Variants in TATDN3 observed in about 807,000 individuals in gnomAD.
TATDN3 encodes the protein deoxyribonuclease TATDN3.
TATDN3 carries 29 observed loss-of-function variants against 40.1 expected under a neutral mutation model. The observed-to-expected ratio is 0.72, with a 90% CI of 0.54 to 0.99. The LOEUF (loss-of-function observed/expected upper bound fraction) is 0.99. Ranked by LOEUF, TATDN3 falls within the 50% of genes least tolerant of loss-of-function variation. The pLI, the probability that TATDN3 is intolerant of heterozygous loss-of-function variation, is 0.00. For missense variants in TATDN3, 309 were observed against 321.9 expected (o/e 0.96, Z 0.31); for synonymous variants, 105 against 117.0 (o/e 0.90, Z 0.66).
At chr1:212,801,844 T>C (rs900162589) in intron 4 of TATDN3, among the ~76,000 whole-genome samples, 1 of 150,666 alleles carries the variant, frequency 6.6e-6, no homozygotes, top group Admixed American at 6.6e-5. Context: ...TACTAGAATA[T>C]ATTTCAAGGC....
At chr1:212,803,603 A>T (rs1192196904) in intron 5 of TATDN3, among the ~76,000 whole-genome samples, 1 of 152,160 alleles carries the variant, frequency 6.6e-6, no homozygotes, top group Non-Finnish European at 1.5e-5. Flanking sequence ...TAGTCCCAGG[A>T]GGAGTCATCT....
At chr1:212,806,892 A>G (rs1286483171) in intron 7 of TATDN3, among the ~76,000 whole-genome samples, 2 of 143,740 alleles carry the variant, frequency 1.4e-5, no homozygotes, top group African/African-American at 2.6e-5. Context: ...GTATATACAC[A>G]TATATACATA....
intron 3 of TATDN3, chr1:212,796,843 T>C: frequency 2.1e-6 from 1 of 473,792 alleles, no homozygotes; most frequent in East Asian, 3.4e-5. Flanking sequence ...TTTCAAGCAA[T>C]TCTCTGCCTC....
chr1:212,799,806 T>C (rs73083765), intron 4 of TATDN3, among the ~76,000 whole-genome samples: 24,447 of 152,238 alleles, frequency 0.16, 2,054 homozygotes, highest in East Asian at 0.24. Context: ...CCCAAAGTGC[T>C]GGGATTATAG....
chr1:212,805,615 A>C (rs1161441604), intron 7 of TATDN3, among the ~76,000 whole-genome samples: 2 of 152,198 alleles, frequency 1.3e-5, no homozygotes, highest in African/African-American at 4.8e-5. Flanking sequence ...GGTTAAAAAA[A>C]AGAAGGGCAA....
intron 7 of TATDN3, among the ~76,000 whole-genome samples, chr1:212,805,608 T>TA (rs894530829): frequency 9.2e-5 from 14 of 151,908 alleles, no homozygotes; most frequent in Non-Finnish European, 1.5e-4. Flanking sequence ...GGGAAAAGGT[T>TA]AAAAAAAAGA....
chr1:212,803,692 G>A (rs1662296387), intron 5 of TATDN3, among the ~76,000 whole-genome samples: 1 of 151,314 alleles, frequency 6.6e-6, no homozygotes, highest in African/African-American at 2.4e-5. Flanking sequence ...ATTAAGATGT[G>A]TTGTAAGTGT....
chr1:212,798,510 A>T (rs1197215422), intron 4 of TATDN3, among the ~76,000 whole-genome samples: 1 of 145,272 alleles, frequency 6.9e-6, no homozygotes, highest in Non-Finnish European at 1.5e-5. Flanking sequence ...CAGCCTGGGC[A>T]ACATGGACGC....
intron 4 of TATDN3, among the ~76,000 whole-genome samples, chr1:212,799,459 A>G (rs1466112755): frequency 1.3e-5 from 2 of 152,110 alleles, no homozygotes; most frequent in Non-Finnish European, 2.9e-5. Flanking sequence ...GATTTGGCAT[A>G]TATTTGGCAT....
chr1:212,792,877 T>TA (rs1249346456), intron 1 of TATDN3: 6 of 151,930 alleles, frequency 3.9e-5, no homozygotes, highest in African/African-American at 1.5e-4. Flanking sequence ...CGTGGGAAAC[T>TA]AGAGACTAAT....
Position 212,796,543 on chromosome 1 carries a change from T to G in TATDN3, c.126T>G (p.Val42=). Residue 42 remains valine (V), a synonymous_variant, in exon 3 of 10, where the codon GTT becomes GTG. Coordinates refer to ENST00000366974, the MANE Select transcript of TATDN3 (RefSeq NM_001042552.3). ...CCAATGTTGTGGCCCTTGTGGCAGT[T>G]GCCGAACATTCAGGAGAATTTGAAA... ...KKANVVALVA[V]AEHSGEFEKI... 6.4e-7 allele frequency: 1 copy of G among 1,563,978 alleles called. No homozygotes were observed. Among genetic ancestry groups the G allele is most frequent in the Non-Finnish European group, 8.6e-7 (1 of 1,158,498 alleles).
At chr1:212,798,218 C>T (rs190705494) in intron 4 of TATDN3, among the ~76,000 whole-genome samples, 8 of 151,480 alleles carry the variant, frequency 5.3e-5, no homozygotes, top group East Asian at 1.9e-4. Flanking sequence ...CCCAGCTACT[C>T]GGGAGACTAA....
At chr1:212,805,531 C>G (rs577973498) in intron 7 of TATDN3, among the ~76,000 whole-genome samples, 1 of 152,180 alleles carries the variant, frequency 6.6e-6, no homozygotes, top group Non-Finnish European at 1.5e-5. Context: ...GCTGGGATTA[C>G]AGGCGTGAGC....
rs761641467 is a variant in TATDN3, at chr1:212,797,139, G to T, written c.201G>T (p.Leu67Phe). Residue 67 changes from leucine to phenylalanine, a missense_variant, in exon 4 of 10, where the codon TTG becomes TTT. Transcript: ENST00000366974. The stretch of plus-strand genomic sequence containing the variant: ...ATAATGGGTTTGTCCTGCCATGCTT[G>T]GGTGTTCATCCAGTTCAAGGACTTC... ...ERYNGFVLPC[L>F]GVHPVQGLPP... is the part of the protein sequence containing the mutation. 14 of 1,614,050 alleles carry T rather than the reference G, an allele frequency of 8.7e-6. No homozygotes were observed. Among genetic ancestry groups the T allele is most frequent in the Non-Finnish European group, 9.3e-6 (11 of 1,179,978 alleles).
chr1:212,812,171 T>G, intron 8 of TATDN3, 77 bp from the exon 9 acceptor site: 3 of 911,960 alleles, frequency 3.3e-6, no homozygotes, highest in East Asian at 2.7e-5. Flanking sequence ...ATAAAATGCA[T>G]TATTAGTATG....
rs780505374 is a variant in TATDN3 at position 212,802,710 on chromosome 1, G to A, written c.268G>A (p.Val90Ile). ...ACTTTTTTTCTCCCAGGATTTGGAT[G>A]TAGCTTTGCCCATTATTGAGAATTA... ...QRSVTLKDLD[V>I]ALPIIENYKD... Residue 90 changes from valine (V) to isoleucine (I), a missense_variant, in exon 5 of 10, where the codon GTA becomes ATA. Physicochemically the swap from Val to Ile is conservative, Grantham distance 29. Transcript: ENST00000366974. 5 of 1,611,984 alleles carry A rather than the reference G, an allele frequency of 3.1e-6. No individual in the cohort carries two copies. Among genetic ancestry groups the A allele is most frequent in the Non-Finnish European group, 4.2e-6 (5 of 1,178,090 alleles).
intron 4 of TATDN3, among the ~76,000 whole-genome samples, chr1:212,800,890 CTTT>C (rs112248012): frequency 1.4e-5 from 2 of 140,156 alleles, no homozygotes. Flanking sequence ...GGTATGTAAT[CTTT>C]TTTTTTTTTT....
intron 8 of TATDN3, 71 bp downstream of exon 8, chr1:212,807,919 C>T (rs1662638538): frequency 1.0e-6 from 1 of 957,058 alleles, no homozygotes. Context: ...TTCTTCCATA[C>T]TTGTGATACT....
intron 5 of TATDN3, among the ~76,000 whole-genome samples, chr1:212,802,974 T>C (rs994401156): frequency 6.6e-6 from 1 of 152,148 alleles, no homozygotes; most frequent in African/African-American, 2.4e-5. Flanking sequence ...CCTACCTTAA[T>C]TGGAGAAAAA....
Sources: allele counts gnomAD v4.1 joint callset (sites outside exome capture counted in the v4.1 genomes callset), GRCh38; gene constraint gnomAD v4.1.1; transcripts MANE v1.5; gene names NCBI Gene and HGNC (gene_info 2026-07-23, HGNC 2026-07-21).